Variants in RAB3GAP1 observed in about 807,000 individuals in gnomAD.
RAB3GAP1 encodes the protein rab3 GTPase-activating protein catalytic subunit.
In RAB3GAP1, 86 loss-of-function variants were observed where a neutral mutation model predicts 130.7. The observed-to-expected ratio is 0.66, with a 90% CI of 0.55 to 0.79. The LOEUF is 0.79. Ranked by LOEUF, RAB3GAP1 falls within the 30% of genes least tolerant of loss-of-function variation. The pLI, the probability that RAB3GAP1 is intolerant of heterozygous loss-of-function variation, is 0.00. For missense variants in RAB3GAP1, 1,029 were observed against 1,169.4 expected (o/e 0.88, Z 1.75); for synonymous variants, 367 against 401.7 (o/e 0.91, Z 1.03).
chr2:135,139,760 T>G (rs1325876537), intron 17 of RAB3GAP1, among the ~76,000 whole-genome samples: 1 of 152,178 alleles, frequency 6.6e-6, no homozygotes, highest in African/African-American at 2.4e-5. Context: ...TATCCAAATG[T>G]AACTACTGAG....
At chr2:135,137,096 A>T (rs10175922) in intron 17 of RAB3GAP1, 4,858 of 258,904 alleles carry the variant, frequency 0.019, 210 homozygotes, top group African/African-American at 0.1. Flanking sequence ...TCTCTTAATT[A>T]AAAAAGATTG....
chr2:135,123,465 T>C (rs1296944283), intron 8 of RAB3GAP1, among the ~76,000 whole-genome samples: 1 of 152,238 alleles, frequency 6.6e-6, no homozygotes, highest in Non-Finnish European at 1.5e-5. Flanking sequence ...TGGGAAGTTT[T>C]GTTAACTCAG....
chr2:135,090,070 A>G (rs1268747917), intron 3 of RAB3GAP1, among the ~76,000 whole-genome samples: 1 of 152,212 alleles, frequency 6.6e-6, no homozygotes, highest in Non-Finnish European at 1.5e-5. Context: ...TGTGCATCCC[A>G]GAACTTAAAG....
At chr2:135,076,461 A>G (rs1689638124) in intron 3 of RAB3GAP1, among the ~76,000 whole-genome samples, 1 of 152,158 alleles carries the variant, frequency 6.6e-6, no homozygotes, top group African/African-American at 2.4e-5. Context: ...TTGAGCATTC[A>G]TTAGTGTTCA....
At chr2:135,174,275 C>CA (rs1418710581), downstream of RAB3GAP1, among the ~76,000 whole-genome samples, 1 of 52 alleles carries the variant, frequency 0.019, no homozygotes, top group Non-Finnish European at 0.042. Context: ...CGACATGGCC[C>CA]AGCCCTCAGG....
Position 135,127,284 on chromosome 2 carries a change from T to C in RAB3GAP1, c.973+628T>C, listed in dbSNP as rs1279425024. On this transcript the variant is annotated intron_variant, in intron 11 of 23. Transcript: ENST00000264158. ...CTATTTCTGTTATTGAAGCCCTTTT[T>C]GCCTTTTGTTGCCCCTCTAGACGTG... 2.5e-4 allele frequency among the ~76,000 whole-genome samples: 38 copies of C among 152,010 alleles called. 1 individual carries two copies. Among genetic ancestry groups the C allele is most frequent in the Admixed American group, 2.5e-3 (38 of 15,250 alleles).
At chr2:135,055,896 G>A (rs905790991) in intron 2 of RAB3GAP1, among the ~76,000 whole-genome samples, 2 of 151,896 alleles carry the variant, frequency 1.3e-5, no homozygotes, top group African/African-American at 4.8e-5. Flanking sequence ...GAGTGCAGTG[G>A]CGCGATCTCG....
At chr2:135,121,282 G>C (rs1441662558) in intron 8 of RAB3GAP1, among the ~76,000 whole-genome samples, 4 of 152,144 alleles carry the variant, frequency 2.6e-5, no homozygotes, top group African/African-American at 9.6e-5. Context: ...CATAAACTGA[G>C]AACACTCATG....
At chr2:135,088,496 C>T (rs1690049034) in intron 3 of RAB3GAP1, among the ~76,000 whole-genome samples, 1 of 151,846 alleles carries the variant, frequency 6.6e-6, no homozygotes, top group African/African-American at 2.4e-5. Flanking sequence ...CAAGACCAGC[C>T]TGGCCAACAT....
At position 135,070,668 on chromosome 2, in the gene RAB3GAP1, C is replaced by T. The variant is rs149630753; in HGVS notation, c.150+12582C>T. ...GATTACAGGTGCCCACCATCACGCC[C>T]GTCCAATTTTGTGTTTTTAGTAGAG... On this transcript the variant is annotated intron_variant, in intron 3 of 23. Transcript: ENST00000264158. Among the ~76,000 whole-genome samples, 214 of 152,172 alleles carry T rather than the reference C, an allele frequency of 1.4e-3. No homozygotes were observed. In the Middle Eastern group the frequency reaches 0.031, roughly 22 times the overall value.
At chr2:135,070,519 A>C (rs963063934) in intron 3 of RAB3GAP1, among the ~76,000 whole-genome samples, 1 of 149,294 alleles carries the variant, frequency 6.7e-6, no homozygotes, top group Non-Finnish European at 1.5e-5. Flanking sequence ...AAAAGGAATT[A>C]TTATTTTTAT....
intron 5 of RAB3GAP1, among the ~76,000 whole-genome samples, chr2:135,097,328 G>C (rs1690328140): frequency 6.6e-6 from 1 of 151,286 alleles, no homozygotes; most frequent in Admixed American, 6.6e-5. Context: ...TGATCCTTCT[G>C]CCTCAGCCCC....
intron 7 of RAB3GAP1, 149 bp downstream of exon 7, chr2:135,115,530 T>A: frequency 1.3e-6 from 1 of 791,704 alleles, no homozygotes; most frequent in South Asian, 2.3e-5. Flanking sequence ...ATAAATTACT[T>A]TGTAATTTCT....
chr2:135,132,824 T>C (rs1431617091), intron 13 of RAB3GAP1, 71 bp from the exon 14 acceptor site: 1 of 888,770 alleles, frequency 1.1e-6, no homozygotes, highest in Non-Finnish European at 1.9e-6. Context: ...ATAATGTCTA[T>C]ATGAGTTATA....
At chr2:135,129,191 A>T (rs1300000858) in intron 11 of RAB3GAP1, among the ~76,000 whole-genome samples, 1 of 151,372 alleles carries the variant, frequency 6.6e-6, no homozygotes, top group African/African-American at 2.4e-5. Context: ...GGTGACTCAC[A>T]CTTGTAATCC....
At chr2:135,053,230 T>C (rs1014770151) in intron 2 of RAB3GAP1, among the ~76,000 whole-genome samples, 8 of 152,230 alleles carry the variant, frequency 5.3e-5, no homozygotes, top group African/African-American at 1.9e-4. Context: ...CCGCCCAAAG[T>C]GCTGAGATTA....
At chr2:135,090,785 G>A (rs1690120654) in intron 3 of RAB3GAP1, among the ~76,000 whole-genome samples, 1 of 152,008 alleles carries the variant, frequency 6.6e-6, no homozygotes, top group Non-Finnish European at 1.5e-5. Context: ...TCACTTGATC[G>A]TTAATATTCT....
At chr2:135,135,989 C>G (rs1000398580) in intron 17 of RAB3GAP1, 57 bp downstream of exon 17, 53 of 1,586,658 alleles carry the variant, frequency 3.3e-5, no homozygotes, top group Non-Finnish European at 4.6e-5. Context: ...ATAACTTCAT[C>G]CTAGTAGAAG....
chr2:135,162,086 G>GA (rs1047295888), intron 19 of RAB3GAP1, among the ~76,000 whole-genome samples: 1 of 151,480 alleles, frequency 6.6e-6, no homozygotes, highest in Non-Finnish European at 1.5e-5. Flanking sequence ...ATAAGAATTG[G>GA]AAAAAAAATA....
Sources: allele counts gnomAD v4.1 joint callset (sites outside exome capture counted in the v4.1 genomes callset), GRCh38; gene constraint gnomAD v4.1.1; transcripts MANE v1.5; gene names NCBI Gene and HGNC (gene_info 2026-07-23, HGNC 2026-07-21).